The following C11orf87 variants were observed in gnomAD, a reference collection of about 807,000 sequenced individuals.
The protein encoded by C11orf87 is uncharacterized protein C11orf87.
C11orf87 carries 3 observed loss-of-function variants against 9.2 expected under a neutral mutation model. The observed-to-expected ratio is 0.33, with a 90% CI of 0.15 to 0.84. The LOEUF is 0.84. Ranked by LOEUF, C11orf87 falls within the 40% of genes least tolerant of loss-of-function variation. The pLI is 0.55. For synonymous variants in C11orf87, 124 were observed against 124.6 expected, an observed-to-expected ratio of 1.00 and a Z score of 0.03; for missense variants, 256 against 270.7, an observed-to-expected ratio of 0.95 and a Z score of 0.38.
rs1860554823 is a variant in C11orf87, at chr11:109,425,168, T to C, written c.*941T>C. 6.0e-6 allele frequency: 1 copy of C among 167,032 alleles called. No individual in the cohort carries two copies. Among genetic ancestry groups the C allele is most frequent in the Non-Finnish European group, 1.5e-5 (1 of 68,114 alleles). The allele number at this position is 167,032 out of a possible 1,614,324, so 10.3% of individuals were successfully genotyped here. On this transcript the variant is annotated 3_prime_UTR_variant, in exon 2 of 2. Transcript: ENST00000327419. The stretch of plus-strand genomic sequence containing the variant: ...CTAGTTGTGAAGGCAGAGGAGGGGC[T>C]GTTTTGGAAAGTGACTATTCTGGCT...
Position 109,427,950 on chromosome 11 carries a change from T to G in C11orf87, c.*3723T>G, listed in dbSNP as rs978708911. The G allele has an allele frequency of 2.0e-5, 3 of 151,992 alleles. No homozygotes were observed. Among genetic ancestry groups the G allele is most frequent in the Non-Finnish European group, 4.4e-5 (3 of 67,938 alleles). 9.4% of individuals were successfully genotyped at this position (151,992 alleles called of 1,614,324 possible). A position where few individuals can be genotyped will look rare whatever the true frequency, so the allele number is the denominator to read the frequency against. On this transcript the variant is annotated 3_prime_UTR_variant, in exon 2 of 2. Coordinates refer to ENST00000327419, the MANE Select transcript of C11orf87 (RefSeq NM_207645.4). The stretch of plus-strand genomic sequence containing the variant: ...CTTACCCAAAGAGGATACTGAAAAG[T>G]CCGGTATGTGCATGCACTTGTTTCT...
rs1013535443 is a variant in C11orf87, at chr11:109,424,049, C to A, written c.416C>A (p.Pro139His). 1 of 1,613,884 alleles carries A rather than the reference C, an allele frequency of 6.2e-7. No homozygotes were observed. Among genetic ancestry groups the A allele is most frequent in the African/African-American group, 1.3e-5 (1 of 74,932 alleles). The change falls in exon 2 of 2, where the codon CCC (proline) becomes CAC (histidine). Residue 139 changes from proline (P) to histidine (H), a missense_variant. By Grantham distance (77) the Pro-to-His change is moderately conservative (BLOSUM62 -2). Coordinates refer to ENST00000327419, the MANE Select transcript of C11orf87 (RefSeq NM_207645.4). The surrounding 1 kb of genome is among the most constrained non-coding windows in gnomAD (Gnocchi z 4.7). ...TRLERQPRDS[P>H]FCAPSNASSL... ...CTGGAGAGGCAGCCCCGGGACTCTCCCTTCTGCGCCCCTTCCAACGCCTCG... is the reference window on the plus strand; with the variant it reads ...CTGGAGAGGCAGCCCCGGGACTCTCACTTCTGCGCCCCTTCCAACGCCTCG...
Position 109,423,725 on chromosome 11 carries a change from G to A in C11orf87, c.92G>A (p.Gly31Asp), listed in dbSNP as rs1421863112. 15 of 1,613,494 alleles carry A rather than the reference G, an allele frequency of 9.3e-6. No homozygotes were observed. Among genetic ancestry groups the A allele is most frequent in the Non-Finnish European group, 1.3e-5 (15 of 1,179,870 alleles). The change falls in exon 2 of 2, where the codon GGC (glycine) becomes GAC (aspartate). Residue 31 changes from glycine to aspartate, a missense_variant. Gly to Asp is a moderately conservative substitution (Grantham distance 94). Coordinates refer to ENST00000327419, the MANE Select transcript of C11orf87 (RefSeq NM_207645.4). The surrounding 1 kb of genome is among the most constrained non-coding windows in gnomAD (Gnocchi z 5.3). ...GCTTCCCCCAACGCCAGCGGCAGCG[G>A]CAACACGGGTGCCCGCGGCCCAGGC... ...TFASPNASGS[G>D]NTGARGPGAV... is the part of the protein sequence containing the mutation.
rs1860567550 is a variant in C11orf87 at position 109,425,954 on chromosome 11, C to T, written c.*1727C>T. 6.6e-6 allele frequency: 1 copy of T among 152,170 alleles called. No homozygotes were observed. Among genetic ancestry groups the T allele is most frequent in the African/African-American group, 2.4e-5 (1 of 41,436 alleles). 9.4% of individuals were successfully genotyped at this position (152,170 alleles called of 1,614,324 possible). Reference sequence around the variant, plus strand: ...GGCTCTCTTTCTCAGTCTGTCCTAACTTCACTGAACATACAAAAATACTGA... The same window carrying T: ...GGCTCTCTTTCTCAGTCTGTCCTAATTTCACTGAACATACAAAAATACTGA... On this transcript the variant is annotated 3_prime_UTR_variant, in exon 2 of 2. Transcript: ENST00000327419.
At position 109,427,963 on chromosome 11, in the gene C11orf87, T is replaced by C. The variant is rs1261501947; in HGVS notation, c.*3736T>C. ...GATACTGAAAAGTCCGGTATGTGCA[T>C]GCACTTGTTTCTCTGGGGTCAAATC... On this transcript the variant is annotated 3_prime_UTR_variant, in exon 2 of 2. Coordinates refer to ENST00000327419, the MANE Select transcript of C11orf87 (RefSeq NM_207645.4). 1 of 152,152 alleles carries C rather than the reference T, an allele frequency of 6.6e-6. No individual in the cohort carries two copies. Among genetic ancestry groups the C allele is most frequent in the Admixed American group, 6.5e-5 (1 of 15,272 alleles). The allele number at this position is 152,152 out of a possible 1,614,324, so 9.4% of individuals were successfully genotyped here. A position where few individuals can be genotyped will look rare whatever the true frequency, so the allele number is the denominator to read the frequency against.
rs1027175288 is a variant in C11orf87, at chr11:109,427,438, T to A, written c.*3211T>A. 2 of 152,152 alleles carry A rather than the reference T, an allele frequency of 1.3e-5. No homozygotes were observed. The highest frequency in any genetic ancestry group is 3.2e-3 in the Middle Eastern group (1 of 316). 9.4% of individuals were successfully genotyped at this position (152,152 alleles called of 1,614,324 possible). ...ACAAAATTATTTCAATAAGCACATATCCAAGCAATTTGTACAGACCTTGTT... is the reference window on the plus strand; with the variant it reads ...ACAAAATTATTTCAATAAGCACATAACCAAGCAATTTGTACAGACCTTGTT... On this transcript the variant is annotated 3_prime_UTR_variant, in exon 2 of 2. Transcript: ENST00000327419.
At position 109,427,171 on chromosome 11, in the gene C11orf87, T is replaced by G. The variant is rs1860584318; in HGVS notation, c.*2944T>G. On this transcript the variant is annotated 3_prime_UTR_variant, in exon 2 of 2. Transcript: ENST00000327419. ...TTGTAAAACAAATGATCTCAATACC[T>G]CTCAACGTGGGCACACATCTGTAAT... The G allele has an allele frequency of 2.0e-5, 3 of 152,128 alleles. No homozygotes were observed. 9.4% of individuals were successfully genotyped at this position (152,128 alleles called of 1,614,324 possible).
Position 109,423,540 on chromosome 11 carries a change from G to C in C11orf87, c.-94G>C, listed in dbSNP as rs984992105. On this transcript the variant is annotated 5_prime_UTR_variant, in exon 2 of 2. Coordinates refer to ENST00000327419, the MANE Select transcript of C11orf87 (RefSeq NM_207645.4). This position sits in a 1 kb window ranked among gnomAD's most constrained non-coding sequence, Gnocchi z 5.3. ...CCCTCCCGCTACAGGGAGCAGTTTT[G>C]GGTGGCGTGGGCTCCGTCCTCTTCT... 2 of 1,297,284 alleles carry C rather than the reference G, an allele frequency of 1.5e-6. No individual in the cohort carries two copies. The highest frequency in any genetic ancestry group is 1.4e-5 in the South Asian group (1 of 69,774). The allele number at this position is 1,297,284 out of a possible 1,614,324, so 80.4% of individuals were successfully genotyped here.
rs889531286 is a variant in C11orf87, at chr11:109,425,180, T to C, written c.*953T>C. The C allele has an allele frequency of 6.0e-6, 1 of 167,060 alleles. No individual in the cohort carries two copies. Among genetic ancestry groups the C allele is most frequent in the Non-Finnish European group, 1.5e-5 (1 of 68,116 alleles). The allele number at this position is 167,060 out of a possible 1,614,324, so 10.3% of individuals were successfully genotyped here. On this transcript the variant is annotated 3_prime_UTR_variant, in exon 2 of 2. Coordinates refer to ENST00000327419, the MANE Select transcript of C11orf87 (RefSeq NM_207645.4). ...GCAGAGGAGGGGCTGTTTTGGAAAG[T>C]GACTATTCTGGCTTTTGGTTGGGTT...
chr11:109,425,799 G>T lies in C11orf87; in HGVS notation c.*1572G>T, dbSNP rs1243194882. 1 of 152,374 alleles carries T rather than the reference G, an allele frequency of 6.6e-6. No individual in the cohort carries two copies. The highest frequency in any genetic ancestry group is 1.5e-5 in the Non-Finnish European group (1 of 68,058). The allele number at this position is 152,374 out of a possible 1,614,324, so 9.4% of individuals were successfully genotyped here. ...TATGTGGTTGGGGATGAGACTGGTG[G>T]GGATGTTGGGCAATTTGGATGATAA... On this transcript the variant is annotated 3_prime_UTR_variant, in exon 2 of 2. Transcript: ENST00000327419.
rs915510930 is a variant in C11orf87 at position 109,425,760 on chromosome 11, G to C, written c.*1533G>C. On this transcript the variant is annotated 3_prime_UTR_variant, in exon 2 of 2. Transcript: ENST00000327419. Reference sequence around the variant, plus strand: ...ACCACCTGGAGGCAGTGGTGTGTGTGCTTGCTTGTACTGTATGTGGTTGGG... The same window carrying C: ...ACCACCTGGAGGCAGTGGTGTGTGTCCTTGCTTGTACTGTATGTGGTTGGG... 1 of 152,478 alleles carries C rather than the reference G, an allele frequency of 6.6e-6. No individual in the cohort carries two copies. Among genetic ancestry groups the C allele is most frequent in the Non-Finnish European group, 1.5e-5 (1 of 68,054 alleles). 9.4% of individuals were successfully genotyped at this position (152,478 alleles called of 1,614,324 possible). A position where few individuals can be genotyped will look rare whatever the true frequency, so the allele number is the denominator to read the frequency against.
Position 109,423,076 on chromosome 11 carries a change from G to A in C11orf87, c.-259-299G>A, listed in dbSNP as rs531989505. 4.0e-4 allele frequency among the ~76,000 whole-genome samples: 61 copies of A among 152,256 alleles called. No homozygotes were observed. The South Asian group carries it at 0.012, about 30-fold the overall frequency. ...TAGGGACTTCAACCAAAGCGGCTGC[G>A]TGTCTGTTGCAATTATAAAGTTGTG... On this transcript the variant is annotated intron_variant, in intron 1 of 1. Coordinates refer to ENST00000327419, the MANE Select transcript of C11orf87 (RefSeq NM_207645.4). The surrounding 1 kb of genome is among the most constrained non-coding windows in gnomAD (Gnocchi z 5.3).
chr11:109,423,781 G>A lies in C11orf87; in HGVS notation c.148G>A (p.Val50Met). ...AVGSGTCITQVGQQLFQSFSS... is the reference protein window; with the variant it reads ...AVGSGTCITQMGQQLFQSFSS... ...AGGCAGCGGCACCTGCATCACGCAG[G>A]TGGGACAGCAGCTCTTCCAGTCCTT... Residue 50 changes from valine (V) to methionine (M), a missense_variant, in exon 2 of 2, where the codon GTG (valine) becomes ATG (methionine). Val to Met is a conservative substitution (Grantham distance 21, BLOSUM62 1). Transcript: ENST00000327419. The surrounding 1 kb of genome is among the most constrained non-coding windows in gnomAD (Gnocchi z 5.3). 1 of 1,614,102 alleles carries A rather than the reference G, an allele frequency of 6.2e-7. No individual in the cohort carries two copies.
rs1329850346 is a variant in C11orf87 at position 109,422,210 on chromosome 11, G to T, written c.-313G>T. 1 of 203,460 alleles carries T rather than the reference G, an allele frequency of 4.9e-6. No homozygotes were observed. Among genetic ancestry groups the T allele is most frequent in the South Asian group, 6.0e-5 (1 of 16,584 alleles). The allele number at this position is 203,460 out of a possible 1,614,324, so 12.6% of individuals were successfully genotyped here. A position where few individuals can be genotyped will look rare whatever the true frequency, so the allele number is the denominator to read the frequency against. On this transcript the variant is annotated 5_prime_UTR_variant, in exon 1 of 2. Coordinates refer to ENST00000327419, the MANE Select transcript of C11orf87 (RefSeq NM_207645.4). ...CATTCACTCCACGCTTTCTGCAGCC[G>T]CCACTGCAGCCGCGCGGCGGGGGCT...
In C11orf87 at chr11:109,428,787, A is replaced by G. The variant is rs1860604651; in HGVS notation, c.*4560A>G. 6.6e-6 allele frequency: 1 copy of G among 152,226 alleles called. No individual in the cohort carries two copies. The highest frequency in any genetic ancestry group is 2.4e-5 in the African/African-American group (1 of 41,472). The allele number at this position is 152,226 out of a possible 1,614,324, so 9.4% of individuals were successfully genotyped here. On this transcript the variant is annotated 3_prime_UTR_variant, in exon 2 of 2. Transcript: ENST00000327419. Reference sequence around the variant, plus strand: ...TGAGAAACAGCTAATGTGGCTTGACATCAATACTTATTAATGTCTTCAACC... The same window carrying G: ...TGAGAAACAGCTAATGTGGCTTGACGTCAATACTTATTAATGTCTTCAACC...
chr11:109,426,784 G>A lies in C11orf87; in HGVS notation c.*2557G>A, dbSNP rs998408459. ...TTATTACAGAATGACTTTTGGACTTGAAATTTGAATAGAATCAGGGTCCCA... is the reference window on the plus strand; with the variant it reads ...TTATTACAGAATGACTTTTGGACTTAAAATTTGAATAGAATCAGGGTCCCA... On this transcript the variant is annotated 3_prime_UTR_variant, in exon 2 of 2. Transcript: ENST00000327419. 6.6e-6 allele frequency: 1 copy of A among 152,178 alleles called. No homozygotes were observed. The highest frequency in any genetic ancestry group is 2.4e-5 in the African/African-American group (1 of 41,448). The allele number at this position is 152,178 out of a possible 1,614,324, so 9.4% of individuals were successfully genotyped here. A position where few individuals can be genotyped will look rare whatever the true frequency, so the allele number is the denominator to read the frequency against.
Position 109,427,965 on chromosome 11 carries a change from C to G in C11orf87, c.*3738C>G, listed in dbSNP as rs1332628382. The G allele has an allele frequency of 6.6e-6, 1 of 152,066 alleles. No homozygotes were observed. The highest frequency in any genetic ancestry group is 6.6e-5 in the Admixed American group (1 of 15,260). The allele number at this position is 152,066 out of a possible 1,614,324, so 9.4% of individuals were successfully genotyped here. The stretch of plus-strand genomic sequence containing the variant: ...TACTGAAAAGTCCGGTATGTGCATG[C>G]ACTTGTTTCTCTGGGGTCAAATCTG... On this transcript the variant is annotated 3_prime_UTR_variant, in exon 2 of 2. Coordinates refer to ENST00000327419, the MANE Select transcript of C11orf87 (RefSeq NM_207645.4).
At position 109,426,813 on chromosome 11, in the gene C11orf87, G is replaced by A. The variant is rs1192329068; in HGVS notation, c.*2586G>A. ...TTTGAATAGAATCAGGGTCCCAGAAGGGAGCTTCATCATTTCCAATGAGCT... is the reference window on the plus strand; with the variant it reads ...TTTGAATAGAATCAGGGTCCCAGAAAGGAGCTTCATCATTTCCAATGAGCT... On this transcript the variant is annotated 3_prime_UTR_variant, in exon 2 of 2. Transcript: ENST00000327419. 6.6e-6 allele frequency: 1 copy of A among 152,172 alleles called. No homozygotes were observed. The highest frequency in any genetic ancestry group is 1.5e-5 in the Non-Finnish European group (1 of 68,020). 9.4% of individuals were successfully genotyped at this position (152,172 alleles called of 1,614,324 possible).
rs970594310 is a variant in C11orf87, at chr11:109,427,443, G to A, written c.*3216G>A. 10 of 152,110 alleles carry A rather than the reference G, an allele frequency of 6.6e-5. No individual in the cohort carries two copies. Among genetic ancestry groups the A allele is most frequent in the African/African-American group, 2.4e-4 (10 of 41,426 alleles). 9.4% of individuals were successfully genotyped at this position (152,110 alleles called of 1,614,324 possible). On this transcript the variant is annotated 3_prime_UTR_variant, in exon 2 of 2. Coordinates refer to ENST00000327419, the MANE Select transcript of C11orf87 (RefSeq NM_207645.4). ...ATTATTTCAATAAGCACATATCCAA[G>A]CAATTTGTACAGACCTTGTTTAAAG...
Sources: allele counts gnomAD v4.1 joint callset (sites outside exome capture counted in the v4.1 genomes callset), GRCh38; gene constraint gnomAD v4.1.1; non-coding constraint Gnocchi (gnomAD v3.1); transcripts MANE v1.5; gene names NCBI Gene and HGNC (gene_info 2026-07-23, HGNC 2026-07-21).